Variants in PDSS2 observed in about 807,000 individuals in gnomAD.
PDSS2 encodes the protein all trans-polyprenyl-diphosphate synthase PDSS2.
PDSS2 carries 31 observed loss-of-function variants against 44.5 expected under a neutral mutation model. The ratio of observed to expected loss-of-function variants is 0.70; its 90% CI spans 0.52 to 0.94. PDSS2 has a LOEUF of 0.94. Among genes scored for constraint, PDSS2 ranks in the 40% least tolerant of loss-of-function variants. PDSS2 has a pLI of 0.00. For synonymous variants in PDSS2, 157 were observed against 180.3 expected, an observed-to-expected ratio of 0.87 and a Z score of 1.03; for missense variants, 452 against 482.2, an observed-to-expected ratio of 0.94 and a Z score of 0.59.
intron 3 of PDSS2, chr6:107,264,632 T>G (rs1482294457): frequency 1.6e-6 from 1 of 620,290 alleles, no homozygotes; most frequent in Non-Finnish European, 2.8e-6. Context: ...CACACAGTCT[T>G]ATTTGCACTG....
chr6:107,161,826 C>T (rs956094015), intron 7 of PDSS2, among the ~76,000 whole-genome samples: 4 of 152,124 alleles, frequency 2.6e-5, no homozygotes, highest in Non-Finnish European at 2.9e-5. Flanking sequence ...ATTCAACAAT[C>T]GCAACAATTG....
At chr6:107,259,341 T>A (rs1329794455) in intron 3 of PDSS2, among the ~76,000 whole-genome samples, 2 of 151,996 alleles carry the variant, frequency 1.3e-5, no homozygotes, top group Admixed American at 1.3e-4. Flanking sequence ...CAATGTTAAA[T>A]GGCTTATTGG....
At chr6:107,276,124 G>GAAAAA (rs1775774129) in intron 2 of PDSS2, among the ~76,000 whole-genome samples, 13 of 12,688 alleles carry the variant, frequency 1.0e-3, no homozygotes, top group African/African-American at 2.2e-3. Context: ...CAAAAAAAAG[G>GAAAAA]AAAGAAAAGA....
chr6:107,247,839 TAAAAA>T (rs10648723), intron 3 of PDSS2, among the ~76,000 whole-genome samples: 3 of 88,028 alleles, frequency 3.4e-5, no homozygotes, highest in African/African-American at 1.4e-4. Flanking sequence ...CTGTCTCTAC[TAAAAA>T]AAAAAAAAAA....
chr6:107,425,817 T>C (rs1780981759), intron 1 of PDSS2, among the ~76,000 whole-genome samples: 2 of 151,984 alleles, frequency 1.3e-5, no homozygotes. Context: ...AAAAATTAGC[T>C]GGGCGTGGTG....
At chr6:107,246,268 A>G (rs1774611497) in intron 3 of PDSS2, among the ~76,000 whole-genome samples, 4 of 151,766 alleles carry the variant, frequency 2.6e-5, no homozygotes, top group African/African-American at 9.7e-5. Context: ...AACTTGTTCC[A>G]GGATGTAAAA....
At chr6:107,364,625 C>T (rs1018697045) in intron 1 of PDSS2, among the ~76,000 whole-genome samples, 1 of 152,202 alleles carries the variant, frequency 6.6e-6, no homozygotes, top group South Asian at 2.1e-4. Flanking sequence ...TGGTGCCTCT[C>T]CCTCCACACC....
At chr6:107,372,424 A>C (rs542122826) in intron 1 of PDSS2, among the ~76,000 whole-genome samples, 23 of 152,260 alleles carry the variant, frequency 1.5e-4, no homozygotes, top group African/African-American at 4.8e-4. Flanking sequence ...AAGGGGTTAA[A>C]GCATGTTTCA....
intron 1 of PDSS2, among the ~76,000 whole-genome samples, chr6:107,360,717 A>G (rs1006532609): frequency 1.3e-5 from 2 of 152,232 alleles, no homozygotes; most frequent in African/African-American, 4.8e-5. Context: ...TGTTTCTTCA[A>G]CATTGTGAAA....
At chr6:107,362,519 T>C (rs1778812005) in intron 1 of PDSS2, among the ~76,000 whole-genome samples, 1 of 152,038 alleles carries the variant, frequency 6.6e-6, no homozygotes, top group Non-Finnish European at 1.5e-5. Flanking sequence ...ACTTCAAAGG[T>C]TTAGTCCAGG....
At chr6:107,257,618 A>T (rs1396494808) in intron 3 of PDSS2, among the ~76,000 whole-genome samples, 1 of 151,854 alleles carries the variant, frequency 6.6e-6, no homozygotes, top group East Asian at 1.9e-4. Context: ...TATACATACA[A>T]TTGGCTTTTT....
chr6:107,231,589 G>T (rs1225363207), intron 4 of PDSS2, among the ~76,000 whole-genome samples: 2 of 152,158 alleles, frequency 1.3e-5, no homozygotes, highest in Non-Finnish European at 2.9e-5. Flanking sequence ...AGATCTTACT[G>T]TATAAGACCC....
intron 7 of PDSS2, among the ~76,000 whole-genome samples, chr6:107,171,758 T>C (rs1229155139): frequency 2.0e-5 from 3 of 152,156 alleles, no homozygotes; most frequent in African/African-American, 7.2e-5. Flanking sequence ...ATTCCTGGCC[T>C]TAAGTGATCT....
chr6:107,183,224 AG>A (rs1221695755), intron 7 of PDSS2, among the ~76,000 whole-genome samples: 2 of 143,974 alleles, frequency 1.4e-5, no homozygotes, highest in African/African-American at 5.1e-5. Flanking sequence ...AAAAAAAAAA[AG>A]TTACATAGTT....
intron 7 of PDSS2, among the ~76,000 whole-genome samples, chr6:107,170,667 C>T (rs1771541540): frequency 6.9e-6 from 1 of 144,970 alleles, no homozygotes; most frequent in Non-Finnish European, 1.5e-5. Flanking sequence ...AGGCTGGATG[C>T]AGTGGCACAA....
chr6:107,248,140 C>CT (rs531152121), intron 3 of PDSS2, among the ~76,000 whole-genome samples: 40 of 152,050 alleles, frequency 2.6e-4, no homozygotes, highest in Non-Finnish European at 4.7e-4. Flanking sequence ...AATAATCTGA[C>CT]TTTTTTTTGC....
intron 4 of PDSS2, among the ~76,000 whole-genome samples, chr6:107,234,361 A>G (rs1214907564): frequency 1.3e-5 from 2 of 151,892 alleles, no homozygotes; most frequent in African/African-American, 2.4e-5. Flanking sequence ...GCGTGCCACT[A>G]TGCCCGGCTA....
chr6:107,304,976 T>C (rs1776810400), intron 2 of PDSS2, among the ~76,000 whole-genome samples: 1 of 151,724 alleles, frequency 6.6e-6, no homozygotes, highest in Admixed American at 6.6e-5. Context: ...GTCCCCTCTT[T>C]ATCCCCCAGC....
chr6:107,370,444 A>G (rs118183903), intron 1 of PDSS2, among the ~76,000 whole-genome samples: 4,435 of 152,328 alleles, frequency 0.029, 88 homozygotes, highest in Middle Eastern at 0.11. Flanking sequence ...TTCTACAAAG[A>G]ATTTCACCAA....
Sources: allele counts gnomAD v4.1 joint callset (sites outside exome capture counted in the v4.1 genomes callset), GRCh38; gene constraint gnomAD v4.1.1; transcripts MANE v1.5; gene names NCBI Gene and HGNC (gene_info 2026-07-23, HGNC 2026-07-21).